Variants in CCDC178 observed in about 807,000 individuals in gnomAD.
CCDC178 encodes coiled-coil domain containing 178.
Under a neutral mutation model 117.4 loss-of-function variants are expected in CCDC178, and 126 were observed. The observed-to-expected ratio is 1.07, with a 90% confidence interval of 0.93 to 1.24. CCDC178 has a LOEUF of 1.24. Ranked by LOEUF, CCDC178 falls within the 50% of genes most tolerant of loss-of-function variation. CCDC178 has a pLI of 0.00. For missense variants in CCDC178, 1,030 were observed against 986.9 expected, an observed-to-expected ratio of 1.04 and a Z score of -0.59; for synonymous variants, 283 against 313.4, an observed-to-expected ratio of 0.90 and a Z score of 1.02.
At chr18:33,037,683 C>T (rs1200156247) in intron 21 of CCDC178, among the ~76,000 whole-genome samples, 1 of 151,912 alleles carries the variant, frequency 6.6e-6, no homozygotes, top group African/African-American at 2.4e-5. Context: ...TCATCCTCAA[C>T]TTCCTTTCCT....
At chr18:33,333,045 A>ATCTC in intron 10 of CCDC178, 129 bp downstream of exon 10, 1 of 548,068 alleles carries the variant, frequency 1.8e-6, no homozygotes, top group Non-Finnish European at 3.2e-6. Flanking sequence ...TAATGTGTAG[A>ATCTC]GATAAAGAGC....
At chr18:33,076,827 C>A (rs1023244591) in intron 21 of CCDC178, among the ~76,000 whole-genome samples, 1 of 152,150 alleles carries the variant, frequency 6.6e-6, no homozygotes, top group African/African-American at 2.4e-5. Context: ...ATGCTAGCAG[C>A]TGCTTGGAGC....
chr18:33,340,849 G>A (rs1157792651), intron 9 of CCDC178, among the ~76,000 whole-genome samples: 1 of 152,200 alleles, frequency 6.6e-6, no homozygotes, highest in African/African-American at 2.4e-5. Flanking sequence ...TAAGGGTGGG[G>A]CCCTCATAAA....
At chr18:33,075,785 A>G (rs1337711236) in intron 21 of CCDC178, among the ~76,000 whole-genome samples, 2 of 152,048 alleles carry the variant, frequency 1.3e-5, no homozygotes, top group Admixed American at 1.3e-4. Context: ...CCTGGCCAAC[A>G]TGGTGAAACC....
chr18:33,320,396 C>G (rs1008340375), intron 11 of CCDC178, among the ~76,000 whole-genome samples: 1 of 152,148 alleles, frequency 6.6e-6, no homozygotes, highest in African/African-American at 2.4e-5. Flanking sequence ...TCAGCAAAGT[C>G]TCAGGATACA....
chr18:33,126,257 T>C (rs935507030), intron 20 of CCDC178, among the ~76,000 whole-genome samples: 1 of 151,126 alleles, frequency 6.6e-6, no homozygotes, highest in African/African-American at 2.4e-5. Context: ...ATGTAGAATA[T>C]GTATATAATT....
At chr18:33,055,132 T>A (rs887496941) in intron 21 of CCDC178, among the ~76,000 whole-genome samples, 1 of 152,202 alleles carries the variant, frequency 6.6e-6, no homozygotes, top group Non-Finnish European at 1.5e-5. Flanking sequence ...TTTTTTCTTG[T>A]AAATTTGCTT....
intron 15 of CCDC178, among the ~76,000 whole-genome samples, chr18:33,242,514 G>T (rs1449459731): frequency 1.3e-5 from 2 of 150,544 alleles, no homozygotes; most frequent in Non-Finnish European, 3.0e-5. Context: ...ATGCAACAGG[G>T]GATTAATATC....
chr18:33,436,132 G>A lies in CCDC178; in HGVS notation c.-23+3830C>T, dbSNP rs962133341. On this transcript the variant is annotated intron_variant, in intron 2 of 22. Coordinates refer to ENST00000383096, the MANE Select transcript of CCDC178 (RefSeq NM_001105528.4). ...GAATAATTAACATTAACAATTTCTA[G>A]AGAAATTGAAGGATAAAAATGAATG... is the stretch of plus-strand genomic sequence containing the variant. 6.6e-5 allele frequency among the ~76,000 whole-genome samples: 10 copies of A among 152,240 alleles called. No homozygotes were observed. The East Asian group carries it at 1.7e-3, about 26-fold the overall frequency.
intron 15 of CCDC178, among the ~76,000 whole-genome samples, chr18:33,240,331 A>G (rs1394384817): frequency 6.6e-6 from 1 of 151,896 alleles, no homozygotes; most frequent in African/African-American, 2.4e-5. Flanking sequence ...AAACAGCAAG[A>G]ACAAAACAAA....
intron 10 of CCDC178, among the ~76,000 whole-genome samples, chr18:33,330,348 A>T (rs1024012298): frequency 5.3e-5 from 8 of 152,090 alleles, no homozygotes; most frequent in Non-Finnish European, 1.2e-4. Context: ...TTCTTGGGGA[A>T]TTACTTTCCC....
chr18:33,130,008 A>G (rs1467980235), intron 20 of CCDC178, among the ~76,000 whole-genome samples: 2 of 151,990 alleles, frequency 1.3e-5, no homozygotes, highest in African/African-American at 2.4e-5. Flanking sequence ...TGGATTAAAT[A>G]TATGTTCACA....
At chr18:33,074,312 T>C (rs1385917978) in intron 21 of CCDC178, among the ~76,000 whole-genome samples, 1 of 152,124 alleles carries the variant, frequency 6.6e-6, no homozygotes, top group Non-Finnish European at 1.5e-5. Context: ...CATTACGTCA[T>C]TCTCAACCTC....
At chr18:33,020,122 T>G (rs1443717140) in intron 21 of CCDC178, among the ~76,000 whole-genome samples, 1 of 150,170 alleles carries the variant, frequency 6.7e-6, no homozygotes, top group East Asian at 2.0e-4. Context: ...ATTGGTTTTT[T>G]TTTTTTTTTG....
intron 20 of CCDC178, among the ~76,000 whole-genome samples, chr18:33,095,433 C>T (rs2057527842): frequency 6.6e-6 from 1 of 151,852 alleles, no homozygotes; most frequent in Admixed American, 6.6e-5. Flanking sequence ...GGGGATATTA[C>T]AGCTTCTTTT....
intron 20 of CCDC178, among the ~76,000 whole-genome samples, chr18:33,177,448 T>C (rs997394753): frequency 6.6e-6 from 1 of 152,202 alleles, no homozygotes; most frequent in African/African-American, 2.4e-5. Flanking sequence ...CCAAGGTTAG[T>C]GCTTCTGCCA....
At position 33,117,809 on chromosome 18, in the gene CCDC178, T is replaced by C. The variant is rs115050350; in HGVS notation, c.2239-24899A>G. Among the ~76,000 whole-genome samples, 695 of 152,186 alleles carry C rather than the reference T, an allele frequency of 4.6e-3. 5 individuals carry two copies. The highest frequency in any genetic ancestry group is 0.016 in the African/African-American group (667 of 41,552). ...ACTTCATCTAGTTGTAGTTGTTTGG[T>C]AGGGTGACCCAAACCCTCATTCTTG... On this transcript the variant is annotated intron_variant, in intron 20 of 22. Transcript: ENST00000383096.
chr18:33,226,175 G>A (rs2059301742), intron 16 of CCDC178, among the ~76,000 whole-genome samples: 1 of 151,892 alleles, frequency 6.6e-6, no homozygotes, highest in South Asian at 2.1e-4. Context: ...AACAAAAACA[G>A]AAACCCACCA....
At chr18:32,975,726 T>G (rs1426662729) in intron 21 of CCDC178, among the ~76,000 whole-genome samples, 3 of 152,108 alleles carry the variant, frequency 2.0e-5, no homozygotes, top group Admixed American at 2.0e-4. Context: ...TAGCATATTT[T>G]GCAGAATGAA....
Sources: allele counts gnomAD v4.1 joint callset (sites outside exome capture counted in the v4.1 genomes callset), GRCh38; gene constraint gnomAD v4.1.1; transcripts MANE v1.5; gene names NCBI Gene and HGNC (gene_info 2026-07-23, HGNC 2026-07-21).